Variants in CRLF2 observed in about 807,000 individuals in gnomAD.
The protein encoded by CRLF2 is cytokine receptor-like factor 2.
In CRLF2, 41 loss-of-function variants were observed where a neutral mutation model predicts 38.7. The ratio of observed to expected loss-of-function variants is 1.06; its 90% CI spans 0.83 to 1.37. The LOEUF is 1.37. Among genes scored for constraint, CRLF2 ranks in the 40% most tolerant of loss-of-function variants. CRLF2 has a pLI of 0.00. For synonymous variants in CRLF2, 140 were observed against 128.8 expected, an observed-to-expected ratio of 1.09 and a Z score of -0.59; for missense variants, 377 against 322.2, an observed-to-expected ratio of 1.17 and a Z score of -1.30.
At chrX:1,205,468 A>C (rs1249554664) in intron 3 of CRLF2, among the ~76,000 whole-genome samples, 4 of 151,688 alleles carry the variant, frequency 2.6e-5, no homozygotes, top group African/African-American at 4.8e-5. Flanking sequence ...ACTGAAAAGC[A>C]TGCTGAGCTT....
intron 4 of CRLF2, among the ~76,000 whole-genome samples, chrX:1,201,604 T>C (rs1361211985): frequency 1.4e-5 from 2 of 147,318 alleles, no homozygotes; most frequent in African/African-American, 2.5e-5. Context: ...GATAGAGAGA[T>C]AGATGATACA....
chrX:1,205,093 C>T (rs1391970729), intron 3 of CRLF2, among the ~76,000 whole-genome samples: 2 of 152,252 alleles, frequency 1.3e-5, no homozygotes. Flanking sequence ...TCCCATAGTG[C>T]TGGGATTACA....
At chrX:1,194,125 A>G (rs1281525384) in intron 6 of CRLF2, among the ~76,000 whole-genome samples, 3 of 150,984 alleles carry the variant, frequency 2.0e-5, no homozygotes, top group African/African-American at 7.3e-5. Flanking sequence ...ACTCCATCTC[A>G]AAAAAAATAC....
In CRLF2 at chrX:1,196,823, G is replaced by T. The variant is rs1233819869; in HGVS notation, c.724C>A (p.Leu242Met). Residue 242 changes from leucine to methionine, a missense_variant, in exon 6 of 8, where the codon CTG becomes ATG. Transcript: ENST00000400841. Reference sequence around the variant, plus strand: ...GACAGAAGGAGGAGAGACACCATCAGAAGGATGGCCAGGCTGGAAATTAAA... The same window carrying T: ...GACAGAAGGAGGAGAGACACCATCATAAGGATGGCCAGGCTGGAAATTAAA... ...FILISSLAIL[L>M]MVSLLLLSLW... is the part of the protein sequence containing the mutation. 3.1e-6 allele frequency: 5 copies of T among 1,613,136 alleles called. No homozygotes were observed. The highest frequency in any genetic ancestry group is 1.7e-5 in the Admixed American group (1 of 59,930).
At chrX:1,191,829 C>T (rs1432849499) in intron 7 of CRLF2, among the ~76,000 whole-genome samples, 2 of 151,900 alleles carry the variant, frequency 1.3e-5, no homozygotes, top group African/African-American at 2.4e-5. Context: ...CCGTGCCTGG[C>T]CCCCAAAAAT....
intron 1 of CRLF2, among the ~76,000 whole-genome samples, chrX:1,211,357 G>GATGGA (rs2086796594): frequency 3.9e-4 from 18 of 46,526 alleles, no homozygotes; most frequent in Admixed American, 6.4e-4. Context: ...GGGTGGATGG[G>GATGGA]TGGATGGATG....
At chrX:1,194,592 A>G (rs1382117865) in intron 6 of CRLF2, among the ~76,000 whole-genome samples, 7,742 of 151,946 alleles carry the variant, frequency 0.051, 318 homozygotes, top group Middle Eastern at 0.2. Flanking sequence ...TGGGACCCTC[A>G]TTCCTGAAAG....
intron 3 of CRLF2, among the ~76,000 whole-genome samples, chrX:1,203,060 T>G (rs1409162045): frequency 8.3e-6 from 1 of 120,360 alleles, no homozygotes; most frequent in Non-Finnish European, 1.6e-5. Context: ...ATTGAACCAC[T>G]GCCCTCCAGC....
intron 3 of CRLF2, among the ~76,000 whole-genome samples, chrX:1,204,096 A>AAAAAAAAAAAAAAAAAAG (rs370190016): frequency 7.5e-6 from 1 of 133,442 alleles, no homozygotes; most frequent in African/African-American, 2.8e-5. Context: ...TCTCAAAAAA[A>AAAAAAAAAAAAAAAAAAG]AGAGAGAACA....
In CRLF2 at chrX:1,190,675, C is replaced by G; in HGVS notation, c.*222G>C. On this transcript the variant is annotated 3_prime_UTR_variant, in exon 8 of 8. Coordinates refer to ENST00000400841, the MANE Select transcript of CRLF2 (RefSeq NM_022148.4). ...GTAAATCTCCTGGAGCAATTGGCTC[C>G]CATCTGCCATCAAGCCTTTGAACAC... is the stretch of plus-strand genomic sequence containing the variant. The G allele has an allele frequency of 2.5e-6, 1 of 397,110 alleles. No individual in the cohort carries two copies. Among genetic ancestry groups the G allele is most frequent in the Non-Finnish European group, 4.4e-6 (1 of 225,696 alleles). The allele number at this position is 397,110 out of a possible 1,614,324, so 24.6% of individuals were successfully genotyped here.
intron 7 of CRLF2, among the ~76,000 whole-genome samples, chrX:1,191,370 C>CT: frequency 2.1e-5 from 1 of 48,162 alleles, no homozygotes; most frequent in African/African-American, 6.2e-5. Context: ...TCCTTTCTTT[C>CT]TCTTTCTTTC....
chrX:1,201,304 A>C (rs1235825525), intron 4 of CRLF2, among the ~76,000 whole-genome samples: 1 of 120,742 alleles, frequency 8.3e-6, no homozygotes, highest in Non-Finnish European at 1.7e-5. Context: ...GTGTCTGTGC[A>C]TGTCTGTGTG....
At chrX:1,195,036 T>G (rs1321134412) in intron 6 of CRLF2, among the ~76,000 whole-genome samples, 1 of 151,004 alleles carries the variant, frequency 6.6e-6, no homozygotes, top group Non-Finnish European at 1.5e-5. Context: ...AGTCTCAAAA[T>G]AAATACATAA....
intron 3 of CRLF2, 76 bp downstream of exon 3, chrX:1,206,357 C>T: frequency 7.6e-7 from 1 of 1,322,900 alleles, no homozygotes; most frequent in South Asian, 1.2e-5. Flanking sequence ...TTTGCATGAG[C>T]TTGGTTTTCA....
chrX:1,192,685 C>G (rs2086406874), intron 7 of CRLF2, among the ~76,000 whole-genome samples: 2 of 135,148 alleles, frequency 1.5e-5, no homozygotes, highest in Admixed American at 1.5e-4. Context: ...CTTTCTTTTT[C>G]TCTTTCTTTT....
chrX:1,199,644 A>G (rs2086564573), intron 4 of CRLF2, among the ~76,000 whole-genome samples: 3 of 152,130 alleles, frequency 2.0e-5, no homozygotes, highest in Admixed American at 6.6e-5. Flanking sequence ...ATAAAGATAC[A>G]GATGAATGTT....
In CRLF2 at chrX:1,212,609, C is replaced by A. The variant is rs2086825440; in HGVS notation, c.26G>T (p.Gly9Val). The stretch of plus-strand genomic sequence containing the variant: ...GCCTCCCAGCAGAAAGACGGCAGCT[C>A]CCCACAGCAGAACCAGCCGCCCCAT... MGRLVLLW[G>V]AAVFLLGGWM... is the part of the protein sequence containing the mutation. Residue 9 changes from glycine to valine, a missense_variant, in exon 1 of 8, where the codon GGA (glycine) becomes GTA (valine). Physicochemically the swap from Gly to Val is moderately radical, Grantham distance 109. Coordinates refer to ENST00000400841, the MANE Select transcript of CRLF2 (RefSeq NM_022148.4). The A allele has an allele frequency of 1.2e-6, 2 of 1,612,522 alleles. No individual in the cohort carries two copies. Among genetic ancestry groups the A allele is most frequent in the African/African-American group, 2.7e-5 (2 of 74,696 alleles).
chrX:1,191,333 C>CTTTCTT (rs1556415528), intron 7 of CRLF2, among the ~76,000 whole-genome samples, 173 bp from the exon 8 acceptor site: 4 of 115,296 alleles, frequency 3.5e-5, no homozygotes, highest in African/African-American at 1.3e-4. Flanking sequence ...TTCTTTCTTT[C>CTTTCTT]TTTCTTTCTT....
chrX:1,207,087 G>C (rs77137248), intron 2 of CRLF2, among the ~76,000 whole-genome samples: 60 of 134,574 alleles, frequency 4.5e-4, no homozygotes, highest in African/African-American at 1.6e-3. Context: ...CTGGGATTAC[G>C]GGCACGCACC....
Sources: allele counts gnomAD v4.1 joint callset (sites outside exome capture counted in the v4.1 genomes callset), GRCh38; gene constraint gnomAD v4.1.1; transcripts MANE v1.5; gene names NCBI Gene and HGNC (gene_info 2026-07-23, HGNC 2026-07-21).